The following FAM78B variants were observed in gnomAD, a reference collection of about 807,000 sequenced individuals.
The protein encoded by FAM78B is family with sequence similarity 78 member B.
Under a neutral mutation model 20.0 loss-of-function variants are expected in FAM78B, and 10 were observed. The ratio of observed to expected loss-of-function variants is 0.50; its 90% CI spans 0.31 to 0.85. The LOEUF (loss-of-function observed/expected upper bound fraction) is 0.85, where lower values mean the gene tolerates loss of function less well. Ranked by LOEUF, FAM78B falls within the 40% of genes least tolerant of loss-of-function variation. FAM78B has a pLI of 0.05. For synonymous variants in FAM78B, 135 were observed against 132.8 expected (o/e 1.02, Z -0.12); for missense variants, 283 against 345.0 (o/e 0.82, Z 1.42).
At chr1:166,128,048 C>T (rs746985491) in intron 1 of FAM78B, among the ~76,000 whole-genome samples, 4 of 152,114 alleles carry the variant, frequency 2.6e-5, no homozygotes, top group Non-Finnish European at 4.4e-5. Context: ...TGTAGGAGCA[C>T]TGGAAAACTT....
chr1:166,114,570 G>T lies in FAM78B; in HGVS notation c.264-43807C>A, dbSNP rs772473977. Among the ~76,000 whole-genome samples, 45 of 152,264 alleles carry T rather than the reference G, an allele frequency of 3.0e-4. No individual in the cohort carries two copies. In the Middle Eastern group the frequency reaches 0.01, roughly 35 times the overall value. On this transcript the variant is annotated intron_variant, in intron 1 of 1. Transcript: ENST00000354422. ...AAATGCACTGCAAGCAAGAAAACTGGGTGTCTGGGAAGGTTTCCAGCCAGG... is the reference window on the plus strand; with the variant it reads ...AAATGCACTGCAAGCAAGAAAACTGTGTGTCTGGGAAGGTTTCCAGCCAGG...
intron 1 of FAM78B, among the ~76,000 whole-genome samples, chr1:166,116,908 C>G (rs995004643): frequency 2.6e-5 from 4 of 152,196 alleles, no homozygotes; most frequent in African/African-American, 7.2e-5. Flanking sequence ...TCTAGGATCC[C>G]ATGACGCTTT....
chr1:166,066,525 C>A (rs1379187625), downstream of FAM78B, among the ~76,000 whole-genome samples: 1 of 152,170 alleles, frequency 6.6e-6, no homozygotes. Flanking sequence ...CAAAAGGCCC[C>A]ATTTCAATCC....
At chr1:166,062,216 G>A (rs961834901) in intron 2 of FAM78B, among the ~76,000 whole-genome samples, 1 of 152,160 alleles carries the variant, frequency 6.6e-6, no homozygotes, top group Non-Finnish European at 1.5e-5. Context: ...AGATCCCAAA[G>A]ATGGCCTGCA....
intron 1 of FAM78B, among the ~76,000 whole-genome samples, chr1:166,137,800 G>T (rs1421641035): frequency 6.6e-6 from 1 of 152,216 alleles, no homozygotes; most frequent in Non-Finnish European, 1.5e-5. Flanking sequence ...ACTATGGGAA[G>T]TAAGGAGTCT....
At chr1:166,120,865 C>G (rs777328401) in intron 1 of FAM78B, among the ~76,000 whole-genome samples, 3 of 152,216 alleles carry the variant, frequency 2.0e-5, no homozygotes, top group Admixed American at 1.3e-4. Flanking sequence ...CCGCCAACAC[C>G]ATTTGTCTTG....
chr1:166,139,077 A>G (rs76662488), intron 1 of FAM78B, among the ~76,000 whole-genome samples: 2,442 of 152,304 alleles, frequency 0.016, 69 homozygotes, highest in African/African-American at 0.056. Context: ...AGAATTACAA[A>G]GCAGCAAGGG....
At chr1:166,124,426 C>T (rs558796869) in intron 1 of FAM78B, among the ~76,000 whole-genome samples, 2 of 152,318 alleles carry the variant, frequency 1.3e-5, no homozygotes, top group Admixed American at 1.3e-4. Flanking sequence ...CTGTTCTAGG[C>T]ATTTGGTATA....
intron 1 of FAM78B, among the ~76,000 whole-genome samples, chr1:166,134,740 ATAACT>A (rs1353565743): frequency 6.6e-6 from 1 of 152,176 alleles, no homozygotes; most frequent in Non-Finnish European, 1.5e-5. Flanking sequence ...ATTCGTAACG[ATAACT>A]TAAAACGATT....
intron 1 of FAM78B, among the ~76,000 whole-genome samples, chr1:166,100,917 G>A (rs961536408): frequency 2.0e-5 from 3 of 152,216 alleles, no homozygotes; most frequent in African/African-American, 4.8e-5. Flanking sequence ...CTAACCCCCT[G>A]AGTAGCCTAA....
chr1:166,057,377 A>G (rs929652995), downstream of FAM78B: 1 of 152,224 alleles, frequency 6.6e-6, no homozygotes, highest in Admixed American at 6.5e-5. Flanking sequence ...CAGGTTTTGT[A>G]GAAAACCAGG....
At chr1:166,158,969 T>C (rs1472340685) in intron 1 of FAM78B, among the ~76,000 whole-genome samples, 1 of 152,236 alleles carries the variant, frequency 6.6e-6, no homozygotes, top group African/African-American at 2.4e-5. Flanking sequence ...GCCTGCTTGG[T>C]GTTAACACAA....
rs80036045 is a variant in FAM78B, at chr1:166,152,377, G to T, written c.263+13609C>A. Among the ~76,000 whole-genome samples the T allele has an allele frequency of 2.3e-3, 343 of 152,288 alleles. 1 individual carries two copies. Among genetic ancestry groups the T allele is most frequent in the African/African-American group, 7.8e-3 (325 of 41,584 alleles). On this transcript the variant is annotated intron_variant, in intron 1 of 1. Coordinates refer to ENST00000354422, the MANE Select transcript of FAM78B (RefSeq NM_001017961.5). ...GGTCAAGAATTTGTCTGGTCTTGTC[G>T]TGAGAAACTAGGCCCACCATAGCTT...
chr1:166,081,923 T>C (rs568970257), intron 1 of FAM78B, among the ~76,000 whole-genome samples: 90 of 152,194 alleles, frequency 5.9e-4, no homozygotes, highest in Non-Finnish European at 9.9e-4. Flanking sequence ...TAGACCAACA[T>C]GTTTCTCCAC....
At chr1:166,057,079 C>A (rs2101938087), downstream of FAM78B, among the ~76,000 whole-genome samples, 1 of 152,300 alleles carries the variant, frequency 6.6e-6, no homozygotes. Flanking sequence ...TTCCCAGCTT[C>A]CAGAACAGTG....
At chr1:166,158,788 G>C (rs530374360) in intron 1 of FAM78B, among the ~76,000 whole-genome samples, 2 of 152,226 alleles carry the variant, frequency 1.3e-5, no homozygotes, top group African/African-American at 2.4e-5. Flanking sequence ...GGGCAGTTCT[G>C]CTGCTGGTGT....
rs1189605306 is a variant in FAM78B at position 166,166,306 on chromosome 1, A to C, written c.-58T>G. The C allele has an allele frequency of 3.0e-5, 35 of 1,157,038 alleles. No individual in the cohort carries two copies. Among genetic ancestry groups the C allele is most frequent in the Non-Finnish European group, 3.6e-5 (34 of 940,156 alleles). 71.7% of individuals were successfully genotyped at this position (1,157,038 alleles called of 1,614,324 possible). A position where few individuals can be genotyped will look rare whatever the true frequency, so the allele number is the denominator to read the frequency against. ...GGGCAGCGCGGGGGCCCGCGCGGGC[A>C]GCCGGGGGCGCCCGTCACGCCGGCA... On this transcript the variant is annotated 5_prime_UTR_variant, in exon 1 of 2. Coordinates refer to ENST00000354422, the MANE Select transcript of FAM78B (RefSeq NM_001017961.5).
intron 1 of FAM78B, among the ~76,000 whole-genome samples, chr1:166,089,334 G>C (rs1326341408): frequency 6.6e-6 from 1 of 152,184 alleles, no homozygotes; most frequent in Non-Finnish European, 1.5e-5. Context: ...TGCTACTGAC[G>C]AGGATCCACC....
Position 166,070,527 on chromosome 1 carries a change from T to C in FAM78B, c.500A>G (p.Gln167Arg). 3 of 1,614,138 alleles carry C rather than the reference T, an allele frequency of 1.9e-6. No homozygotes were observed. Among genetic ancestry groups the C allele is most frequent in the Non-Finnish European group, 2.5e-6 (3 of 1,180,008 alleles). Residue 167 changes from glutamine to arginine, a missense_variant, in exon 2 of 2, where the codon CAA becomes CGA. Physicochemically the swap from Gln to Arg is conservative, Grantham distance 43 (BLOSUM62 1). Coordinates refer to ENST00000354422, the MANE Select transcript of FAM78B (RefSeq NM_001017961.5). The part of the protein sequence containing the change: ...VPLLTRIKRD[Q>R]SFTTWLVAMN... ...GGCCACCAGCCAGGTCGTGAAACTTTGGTCTCTCTTGATTCTTGTGAGCAG... is the reference window on the plus strand; with the variant it reads ...GGCCACCAGCCAGGTCGTGAAACTTCGGTCTCTCTTGATTCTTGTGAGCAG...
Sources: allele counts gnomAD v4.1 joint callset (sites outside exome capture counted in the v4.1 genomes callset), GRCh38; gene constraint gnomAD v4.1.1; transcripts MANE v1.5; gene names NCBI Gene and HGNC (gene_info 2026-07-23, HGNC 2026-07-21).